ADD3: variants seen among roughly 807,000 people sequenced by gnomAD.
ADD3 encodes the protein adducin 3, also known as gamma-adducin.
A neutral mutation model predicts 80.2 loss-of-function variants in ADD3; 25 were observed. That is an observed-to-expected ratio of 0.31 (90% CI 0.23 to 0.44). The LOEUF is 0.44. Ranked by LOEUF, ADD3 falls within the 20% of genes least tolerant of loss-of-function variation. The probability of loss-of-function intolerance (pLI) is 1.00; values close to 1 mark genes in which losing one functional copy is unlikely to be tolerated. For synonymous variants in ADD3, 284 were observed against 289.6 expected (o/e 0.98, Z 0.20); for missense variants, 829 against 847.5 (o/e 0.98, Z 0.27).
chr10:109,999,148 G>A (rs1051413341), intron 1 of ADD3, among the ~76,000 whole-genome samples: 5 of 152,120 alleles, frequency 3.3e-5, no homozygotes, highest in Admixed American at 6.5e-5. Context: ...GTAAATGAAC[G>A]CTGGGTGTTT....
chr10:110,120,531 C>T (rs1270493644), intron 8 of ADD3, among the ~76,000 whole-genome samples: 3 of 152,058 alleles, frequency 2.0e-5, no homozygotes, highest in East Asian at 3.8e-4. Context: ...CCGCAATAAA[C>T]ATACGTGTGC....
chr10:110,085,504 A>T (rs929023141), intron 1 of ADD3, among the ~76,000 whole-genome samples: 3 of 152,242 alleles, frequency 2.0e-5, no homozygotes, highest in Non-Finnish European at 2.9e-5. Flanking sequence ...AAACTGTAGC[A>T]CATAGGCAGA....
chr10:110,076,727 A>G (rs901287376), intron 1 of ADD3, among the ~76,000 whole-genome samples: 3 of 152,220 alleles, frequency 2.0e-5, no homozygotes, highest in Non-Finnish European at 4.4e-5. Flanking sequence ...ATAGTACTCT[A>G]CTTCCATCTA....
intron 1 of ADD3, among the ~76,000 whole-genome samples, chr10:110,044,315 T>C (rs1444336098): frequency 6.6e-6 from 1 of 152,242 alleles, no homozygotes; most frequent in Non-Finnish European, 1.5e-5. Context: ...AATTTGTCGC[T>C]TTATATTATT....
intron 1 of ADD3, among the ~76,000 whole-genome samples, chr10:110,080,777 G>A (rs1230528826): frequency 6.6e-6 from 1 of 152,120 alleles, no homozygotes; most frequent in Non-Finnish European, 1.5e-5. Flanking sequence ...CCATCTCCTT[G>A]TTTCGTTAAA....
At chr10:110,048,436 C>T (rs970105014) in intron 1 of ADD3, among the ~76,000 whole-genome samples, 1 of 152,100 alleles carries the variant, frequency 6.6e-6, no homozygotes, top group African/African-American at 2.4e-5. Flanking sequence ...TTGGAGGGCT[C>T]AGAAGAAGAC....
At chr10:110,041,759 G>T (rs886854269) in intron 1 of ADD3, among the ~76,000 whole-genome samples, 1 of 152,116 alleles carries the variant, frequency 6.6e-6, no homozygotes, top group East Asian at 1.9e-4. Flanking sequence ...AGAAATTTTC[G>T]TACTGAATCA....
rs1205351437 is a variant in ADD3 at position 110,030,745 on chromosome 10, C to T, written c.-30+22446C>T. On this transcript the variant is annotated intron_variant, in intron 1 of 14. Coordinates refer to ENST00000356080, the MANE Select transcript of ADD3 (RefSeq NM_016824.5). The stretch of plus-strand genomic sequence containing the variant: ...CAAAGACCTAGTACAAGAAAAAGAA[C>T]ATAAAATAACTTTTTTTAATATATT... Among the ~76,000 whole-genome samples, 2 of 151,680 alleles carry T rather than the reference C, an allele frequency of 1.3e-5. 1 individual carries two copies. Among genetic ancestry groups the T allele is most frequent in the Non-Finnish European group, 2.9e-5 (2 of 67,902 alleles).
intron 1 of ADD3, among the ~76,000 whole-genome samples, chr10:110,078,186 G>A (rs1026067938): frequency 6.6e-6 from 1 of 152,142 alleles, no homozygotes; most frequent in Non-Finnish European, 1.5e-5. Flanking sequence ...AAGCACAGGT[G>A]TGGTATCATA....
chr10:110,030,445 T>A (rs1854874775), intron 1 of ADD3, among the ~76,000 whole-genome samples: 3 of 151,552 alleles, frequency 2.0e-5, no homozygotes, highest in African/African-American at 7.2e-5. Context: ...AAACTGACTG[T>A]GAGCTTTTAA....
intron 14 of ADD3, chr10:110,132,865 G>T (rs7923179): frequency 0.14 from 21,124 of 153,288 alleles, 4,881 homozygotes; most frequent in African/African-American, 0.49. Flanking sequence ...AGGTGGAGCT[G>T]GCAGTGAGCC....
chr10:110,113,424 C>T (rs186251254), intron 3 of ADD3, among the ~76,000 whole-genome samples: 151 of 152,166 alleles, frequency 9.9e-4, no homozygotes, highest in South Asian at 2.7e-3. Context: ...CGCGCCACCA[C>T]GCCTGGCTAA....
chr10:110,120,781 G>A (rs1851392798), intron 8 of ADD3, among the ~76,000 whole-genome samples: 2 of 152,122 alleles, frequency 1.3e-5, no homozygotes, highest in South Asian at 4.1e-4. Flanking sequence ...AAAACAGCAT[G>A]GTACTGGTAT....
At chr10:110,095,864 A>G (rs748007170) in intron 1 of ADD3, among the ~76,000 whole-genome samples, 2 of 152,210 alleles carry the variant, frequency 1.3e-5, no homozygotes, top group Non-Finnish European at 2.9e-5. Context: ...CAAAGGTTTT[A>G]TATGTTGCAT....
chr10:110,099,235 C>G (rs1028013841), intron 1 of ADD3, among the ~76,000 whole-genome samples: 1 of 150,246 alleles, frequency 6.7e-6, no homozygotes, highest in African/African-American at 2.5e-5. Context: ...AGCTTAAACT[C>G]TATTTAAAAA....
rs1273206000 is a variant in ADD3, at chr10:110,008,057, A to AT, written c.-266dup. 1 of 151,896 alleles carries AT rather than the reference A, an allele frequency of 6.6e-6. No homozygotes were observed. Among genetic ancestry groups the AT allele is most frequent in the Non-Finnish European group, 1.5e-5 (1 of 67,978 alleles). 9.4% of individuals were successfully genotyped at this position (151,896 alleles called of 1,614,324 possible). ...GGGAAAGAAGAGGGGTTTAAATTAG[A>AT]TTTTTTAAAACACAGAGCAAGCGCC... On this transcript the variant is annotated 5_prime_UTR_variant, in exon 1 of 15. Transcript: ENST00000356080.
chr10:110,059,643 C>T (rs1315103516), intron 1 of ADD3, among the ~76,000 whole-genome samples: 1 of 152,034 alleles, frequency 6.6e-6, no homozygotes, highest in African/African-American at 2.4e-5. Flanking sequence ...GTGGCTTGCG[C>T]CTGTAGTCCC....
In ADD3 at chr10:110,100,750, C is replaced by T. The variant is rs1308071445; in HGVS notation, c.97C>T (p.Pro33Ser). The T allele has an allele frequency of 6.2e-7, 1 of 1,613,710 alleles. No homozygotes were observed. The highest frequency in any genetic ancestry group is 2.2e-5 in the East Asian group (1 of 44,842). The change falls in exon 2 of 15, where the codon CCA (proline) becomes TCA (serine). Residue 33 changes from proline to serine, a missense_variant. Transcript: ENST00000356080. ...RYFDRINEND[P>S]EYIRERNMSP... is the part of the protein sequence containing the mutation. ...TTTTGACCGCATCAATGAAAATGAC[C>T]CAGAATACATTAGGGAGAGGAACAT...
intron 4 of ADD3, among the ~76,000 whole-genome samples, 197 bp downstream of exon 4, chr10:110,116,607 T>G (rs1850760343): frequency 6.6e-6 from 1 of 152,200 alleles, no homozygotes; most frequent in South Asian, 2.1e-4. Context: ...CTCCCCTTAC[T>G]ATCTATGTTG....
Sources: gnomAD v4.1 joint callset for allele counts (sites outside exome capture counted in the v4.1 genomes callset) on GRCh38, gnomAD v4.1.1 for gene constraint, MANE v1.5 for transcripts, NCBI Gene and HGNC (gene_info 2026-07-23, HGNC 2026-07-21) for gene names.